The following USP32 variants were observed in gnomAD, a reference collection of about 807,000 sequenced individuals.
USP32 encodes the protein ubiquitin specific peptidase 32.
A neutral mutation model predicts 204.8 loss-of-function variants in USP32; 59 were observed. The ratio of observed to expected loss-of-function variants is 0.29; its 90% CI spans 0.23 to 0.36. The LOEUF (loss-of-function observed/expected upper bound fraction) is 0.36, where lower values mean the gene tolerates loss of function less well. Among genes scored for constraint, USP32 ranks in the 10% least tolerant of loss-of-function variants. The pLI is 1.00. For missense variants in USP32, 1,160 were observed against 1,946.4 expected, an observed-to-expected ratio of 0.60 and a Z score of 7.60; for synonymous variants, 517 against 678.4, an observed-to-expected ratio of 0.76 and a Z score of 3.70.
At chr17:60,298,711 C>T (rs1041928692) in intron 3 of USP32, among the ~76,000 whole-genome samples, 17 of 152,048 alleles carry the variant, frequency 1.1e-4, no homozygotes, top group Non-Finnish European at 2.4e-4. Flanking sequence ...TGAAGAAATG[C>T]TAATTTGCAA....
intron 5 of USP32, 106 bp from the exon 6 acceptor site, chr17:60,271,587 T>G: frequency 1.7e-6 from 2 of 1,152,524 alleles, no homozygotes; most frequent in Non-Finnish European, 2.3e-6. Flanking sequence ...GTTTCACAAT[T>G]CAATTGCTAA....
rs1029402384 is a variant in USP32 at position 60,376,040 on chromosome 17, A to AT, written c.58+15841dup. On this transcript the variant is annotated intron_variant, in intron 1 of 33. Coordinates refer to ENST00000300896, the MANE Select transcript of USP32 (RefSeq NM_032582.4). Reference sequence around the variant, plus strand: ...TCAATCTTTTGCCAATTATAATCTAATTTTTTTTAGTTTTTGTTTTTAGAG... The same window carrying AT: ...TCAATCTTTTGCCAATTATAATCTAATTTTTTTTTAGTTTTTGTTTTTAGAG... 2.4e-4 allele frequency among the ~76,000 whole-genome samples: 37 copies of AT among 151,050 alleles called. No individual in the cohort carries two copies. The East Asian group carries it at 6.3e-3, about 26-fold the overall frequency.
intron 7 of USP32, among the ~76,000 whole-genome samples, chr17:60,266,498 T>C (rs1023268189): frequency 6.6e-6 from 1 of 152,190 alleles, no homozygotes; most frequent in Non-Finnish European, 1.5e-5. Context: ...TTCTTCTTTT[T>C]GTTTGTTGGA....
intron 2 of USP32, among the ~76,000 whole-genome samples, chr17:60,303,440 C>A (rs1370997770): frequency 1.3e-5 from 2 of 151,720 alleles, no homozygotes; most frequent in African/African-American, 4.8e-5. Context: ...CAGAGAATGT[C>A]TTTGAGGTGT....
intron 1 of USP32, among the ~76,000 whole-genome samples, chr17:60,391,481 A>T (rs2089832250): frequency 6.6e-6 from 1 of 152,072 alleles, no homozygotes; most frequent in Non-Finnish European, 1.5e-5. Context: ...GCTGTTAGGA[A>T]CGAGGTTAGG....
intron 26 of USP32, among the ~76,000 whole-genome samples, chr17:60,203,128 G>A (rs1169383603): frequency 6.0e-5 from 9 of 148,830 alleles, no homozygotes; most frequent in Middle Eastern, 3.4e-3. Flanking sequence ...TTTCTGGGCC[G>A]GGTGCAGTGG....
intron 14 of USP32, 53 bp from the exon 15 acceptor site, chr17:60,222,602 G>A (rs2085280256): frequency 1.3e-6 from 2 of 1,582,970 alleles, no homozygotes; most frequent in Admixed American, 3.4e-5. Flanking sequence ...AAAGTTTTTG[G>A]GTCTCAGCAA....
intron 2 of USP32, among the ~76,000 whole-genome samples, chr17:60,342,919 C>T (rs1486951590): frequency 6.6e-6 from 1 of 152,208 alleles, no homozygotes; most frequent in Non-Finnish European, 1.5e-5. Flanking sequence ...CCTCGCCCTC[C>T]GTGGGCTGCA....
intron 1 of USP32, 59 bp from the exon 2 acceptor site, chr17:60,345,667 A>AT: frequency 6.2e-7 from 1 of 1,608,722 alleles, no homozygotes. Context: ...GTGTCTCATA[A>AT]TTTTTTTCAA....
At chr17:60,362,741 T>C (rs2146058823) in intron 1 of USP32, among the ~76,000 whole-genome samples, 1 of 152,294 alleles carries the variant, frequency 6.6e-6, no homozygotes, top group East Asian at 1.9e-4. Flanking sequence ...TTTATCATTC[T>C]CCTGGTTCAC....
intron 12 of USP32, among the ~76,000 whole-genome samples, chr17:60,229,695 TAA>T (rs2085492606): frequency 6.6e-6 from 1 of 152,274 alleles, no homozygotes; most frequent in Non-Finnish European, 1.5e-5. Flanking sequence ...AGTTTTGCTA[TAA>T]GTGATCTTAA....
intron 31 of USP32, 43 bp downstream of exon 31, chr17:60,183,122 A>C: frequency 6.4e-7 from 1 of 1,550,460 alleles, no homozygotes; most frequent in South Asian, 1.3e-5. Flanking sequence ...TGTAGCCTAC[A>C]GGAGTCCCAA....
intron 2 of USP32, among the ~76,000 whole-genome samples, chr17:60,326,344 C>T (rs180714543): frequency 3.3e-5 from 5 of 151,246 alleles, no homozygotes; most frequent in African/African-American, 1.2e-4. Context: ...GAGTTTCGCT[C>T]TCGTCGCCCC....
chr17:60,249,198 T>A (rs1459756191), intron 11 of USP32: 1 of 152,332 alleles, frequency 6.6e-6, no homozygotes, highest in East Asian at 1.9e-4. Context: ...ACCCTTTTCC[T>A]GATGGATCTG....
At chr17:60,349,592 A>AAT (rs1555618211) in intron 1 of USP32, among the ~76,000 whole-genome samples, 6 of 49,372 alleles carry the variant, frequency 1.2e-4, no homozygotes, top group African/African-American at 8.9e-4. Flanking sequence ...AAAAAAAAAA[A>AAT]AAAAATATAT....
intron 9 of USP32, among the ~76,000 whole-genome samples, chr17:60,258,984 A>G (rs1474032696): frequency 6.6e-6 from 1 of 152,216 alleles, no homozygotes; most frequent in African/African-American, 2.4e-5. Flanking sequence ...CTTTAAATAT[A>G]TATTATTCTT....
intron 12 of USP32, among the ~76,000 whole-genome samples, chr17:60,234,726 G>A (rs1032351943): frequency 2.0e-5 from 3 of 151,240 alleles, no homozygotes; most frequent in Non-Finnish European, 2.9e-5. Context: ...GCAAGACTCC[G>A]TCTCAGAAAA....
chr17:60,270,343 A>G (rs910043353), intron 6 of USP32, among the ~76,000 whole-genome samples: 2 of 152,224 alleles, frequency 1.3e-5, no homozygotes, highest in Admixed American at 6.5e-5. Context: ...TACAGATAGT[A>G]TATTCCCAGA....
At chr17:60,210,473 G>C (rs1030244306) in intron 21 of USP32, among the ~76,000 whole-genome samples, 4 of 151,986 alleles carry the variant, frequency 2.6e-5, no homozygotes, top group Non-Finnish European at 4.4e-5. Context: ...CACTATGCCC[G>C]GCTAATTTTT....
Sources: gnomAD v4.1 joint callset for allele counts (sites outside exome capture counted in the v4.1 genomes callset) on GRCh38, gnomAD v4.1.1 for gene constraint, MANE v1.5 for transcripts, NCBI Gene and HGNC (gene_info 2026-07-23, HGNC 2026-07-21) for gene names.